The following PPM1A variants were observed in gnomAD, a reference collection of about 807,000 sequenced individuals.
PPM1A encodes the protein protein phosphatase 1A.
A neutral mutation model predicts 35.0 loss-of-function variants in PPM1A; 7 were observed. The observed-to-expected ratio is 0.20, with a 90% CI of 0.11 to 0.38. PPM1A has a LOEUF of 0.38. PPM1A is among the 10% of genes least tolerant of loss of function. The pLI is 1.00. For missense variants in PPM1A, 239 were observed against 467.8 expected, an observed-to-expected ratio of 0.51 and a Z score of 4.51; for synonymous variants, 153 against 167.3, an observed-to-expected ratio of 0.91 and a Z score of 0.66.
Position 60,282,607 on chromosome 14 carries a change from A to G in PPM1A, c.-20-77A>G, listed in dbSNP as rs1886539987. 1 of 1,512,034 alleles carries G rather than the reference A, an allele frequency of 6.6e-7. No homozygotes were observed. The highest frequency in any genetic ancestry group is 1.4e-5 in the African/African-American group (1 of 71,984). The allele number at this position is 1,512,034 out of a possible 1,614,324, so 93.7% of individuals were successfully genotyped here. On this transcript the variant is annotated intron_variant, in intron 1 of 5. Coordinates refer to ENST00000395076, the MANE Select transcript of PPM1A (RefSeq NM_021003.5). This position sits in a 1 kb window ranked among gnomAD's most constrained non-coding sequence, Gnocchi z 5.1. ...TTGTGAATTCCCGCATATCTCTTTC[A>G]CTTATTAAAAAGATTGTTTGGTACA...
In PPM1A at chr14:60,288,128, T is replaced by C. The variant is rs1223679695; in HGVS notation, c.953-1678T>C. The stretch of plus-strand genomic sequence containing the variant: ...GTATAGTATGAATGGTCAGGTAGTT[T>C]AAATGCGTTGTCCCACGTGGAACAG... On this transcript the variant is annotated intron_variant, in intron 3 of 5. Transcript: ENST00000395076. The C allele has an allele frequency of 3.0e-6, 3 of 984,888 alleles. No homozygotes were observed. The Admixed American group carries it at 1.8e-4, about 61-fold the overall frequency. The allele number at this position is 984,888 out of a possible 1,614,324, so 61.0% of individuals were successfully genotyped here.
intron 4 of PPM1A, among the ~76,000 whole-genome samples, chr14:60,291,031 C>A (rs1161399039): frequency 6.6e-6 from 1 of 152,100 alleles, no homozygotes; most frequent in Non-Finnish European, 1.5e-5. Flanking sequence ...AACTACGATG[C>A]AACTCAACTA....
At chr14:60,264,512 T>C (rs1884148443) in intron 1 of PPM1A, among the ~76,000 whole-genome samples, 1 of 152,206 alleles carries the variant, frequency 6.6e-6, no homozygotes, top group Non-Finnish European at 1.5e-5. Flanking sequence ...CATGTTAATA[T>C]TTGTTTTATT....
intron 1 of PPM1A, among the ~76,000 whole-genome samples, chr14:60,258,557 A>G (rs547631997): frequency 6.6e-6 from 1 of 152,248 alleles, no homozygotes; most frequent in African/African-American, 2.4e-5. Flanking sequence ...ATGAACAGTA[A>G]TCTGAAAATC....
chr14:60,289,522 A>C lies in PPM1A; in HGVS notation c.953-284A>C, dbSNP rs1160053922. ...TGACATCTTAAGAAAGGGTATTCTC[A>C]CTTGTGCACACATATCCTTGATTAT... is the stretch of plus-strand genomic sequence containing the variant. On this transcript the variant is annotated intron_variant, in intron 3 of 5. Coordinates refer to ENST00000395076, the MANE Select transcript of PPM1A (RefSeq NM_021003.5). The surrounding 1 kb of genome is among the most constrained non-coding windows in gnomAD (Gnocchi z 4.1). Among the ~76,000 whole-genome samples the C allele has an allele frequency of 6.6e-6, 1 of 152,162 alleles. No homozygotes were observed. Among genetic ancestry groups the C allele is most frequent in the East Asian group, 1.9e-4 (1 of 5,194 alleles).
intron 1 of PPM1A, among the ~76,000 whole-genome samples, chr14:60,262,807 A>G (rs772181405): frequency 3.3e-4 from 51 of 152,266 alleles, no homozygotes; most frequent in Non-Finnish European, 6.5e-4. Context: ...TTTGTTAAAC[A>G]AGACTAAGCT....
rs932002089 is a variant in PPM1A, at chr14:60,276,199, T to C, written c.-20-6485T>C. Among the ~76,000 whole-genome samples the C allele has an allele frequency of 3.9e-4, 60 of 152,326 alleles. 1 individual carries two copies. The highest frequency in any genetic ancestry group is 1.3e-3 in the African/African-American group (54 of 41,564). On this transcript the variant is annotated intron_variant, in intron 1 of 5. Transcript: ENST00000395076. ...AGCAATGTAGAATATAAAGATTTGG[T>C]AGCAGTAGAGAGTTTACGCTCTACA...
At chr14:60,270,441 T>A (rs1884948877) in intron 1 of PPM1A, among the ~76,000 whole-genome samples, 1 of 152,106 alleles carries the variant, frequency 6.6e-6, no homozygotes, top group South Asian at 2.1e-4. Flanking sequence ...TTTCAGAATT[T>A]TTGTATGGGT....
At chr14:60,246,244 T>C (rs1881779651), upstream of PPM1A, among the ~76,000 whole-genome samples, 1 of 152,098 alleles carries the variant, frequency 6.6e-6, no homozygotes, top group Non-Finnish European at 1.5e-5. Flanking sequence ...TGGAGAGTAA[T>C]TTGGGAGCAG....
chr14:60,250,969 A>G (rs1882336154), intron 1 of PPM1A, among the ~76,000 whole-genome samples: 1 of 152,244 alleles, frequency 6.6e-6, no homozygotes, highest in East Asian at 1.9e-4. Flanking sequence ...TATTTTACAA[A>G]TGAGAAAATT....
At chr14:60,278,638 G>A (rs897414335) in intron 1 of PPM1A, among the ~76,000 whole-genome samples, 21 of 152,232 alleles carry the variant, frequency 1.4e-4, no homozygotes, top group Admixed American at 8.5e-4. Context: ...CCAAGTGCTG[G>A]GAAGACACCA....
intron 1 of PPM1A, chr14:60,276,912 T>G: frequency 8.0e-6 from 3 of 375,248 alleles, no homozygotes; most frequent in Non-Finnish European, 1.2e-5. Context: ...AATTTTTCAG[T>G]TTAGGGATTA....
chr14:60,252,015 C>G (rs990985208), intron 1 of PPM1A, among the ~76,000 whole-genome samples: 3 of 152,116 alleles, frequency 2.0e-5, no homozygotes, highest in African/African-American at 7.2e-5. Flanking sequence ...TCTCTAATAC[C>G]TCATTTGTTT....
intron 1 of PPM1A, among the ~76,000 whole-genome samples, chr14:60,254,516 C>G (rs956771753): frequency 6.6e-6 from 1 of 150,430 alleles, no homozygotes; most frequent in South Asian, 2.1e-4. Flanking sequence ...AGGAAGATAT[C>G]ATTGCTACAG....
chr14:60,291,103 C>G (rs576976521), intron 4 of PPM1A, among the ~76,000 whole-genome samples: 75 of 152,108 alleles, frequency 4.9e-4, no homozygotes, highest in Admixed American at 4.3e-3. Context: ...ACCATTTAAA[C>G]CAATTCAAAT....
Position 60,294,606 on chromosome 14 carries a change from T to C in PPM1A, c.*2124T>C, listed in dbSNP as rs751681731. On this transcript the variant is annotated 3_prime_UTR_variant, in exon 6 of 6. Transcript: ENST00000395076. ...GACTGACAACTTTAGTTCCAGAAATTGCAAAACTTTGAACTGGACTGTGTA... is the reference window on the plus strand; with the variant it reads ...GACTGACAACTTTAGTTCCAGAAATCGCAAAACTTTGAACTGGACTGTGTA... 7 of 151,784 alleles carry C rather than the reference T, an allele frequency of 4.6e-5. No homozygotes were observed. The highest frequency in any genetic ancestry group is 1.0e-4 in the Non-Finnish European group (7 of 67,808). The allele number at this position is 151,784 out of a possible 1,614,324, so 9.4% of individuals were successfully genotyped here.
rs74497523 is a variant in PPM1A at position 60,296,331 on chromosome 14, G to A, written c.*3849G>A. ...GTACTGCTTTTTTTCTCCATTTTTC[G>A]TTTTGTTTTAATTTTGAATTTCATG... On this transcript the variant is annotated 3_prime_UTR_variant, in exon 6 of 6. Transcript: ENST00000395076. This position sits in a 1 kb window ranked among gnomAD's most constrained non-coding sequence, Gnocchi z 4.4. 5.9e-4 allele frequency: 93 copies of A among 157,000 alleles called. No individual in the cohort carries two copies. The East Asian group carries it at 0.015, about 25-fold the overall frequency. 9.7% of individuals were successfully genotyped at this position (157,000 alleles called of 1,614,324 possible).
At chr14:60,258,831 A>G (rs1883429469) in intron 1 of PPM1A, among the ~76,000 whole-genome samples, 1 of 152,138 alleles carries the variant, frequency 6.6e-6, no homozygotes, top group African/African-American at 2.4e-5. Context: ...TTAAATATGA[A>G]CAAAAAAGAC....
chr14:60,291,295 G>A (rs1417436720), intron 4 of PPM1A, 102 bp from the exon 5 acceptor site: 2 of 758,530 alleles, frequency 2.6e-6, no homozygotes, highest in Non-Finnish European at 4.2e-6. Flanking sequence ...TAATATCTGA[G>A]TATAAGATTA....
Sources: gnomAD v4.1 joint callset for allele counts (sites outside exome capture counted in the v4.1 genomes callset) on GRCh38, gnomAD v4.1.1 for gene constraint, Gnocchi (gnomAD v3.1) non-coding constraint, MANE v1.5 for transcripts, NCBI Gene and HGNC (gene_info 2026-07-23, HGNC 2026-07-21) for gene names.